CHRNB4: variants seen among roughly 807,000 people sequenced by gnomAD.
CHRNB4 encodes the protein cholinergic receptor nicotinic beta 4 subunit.
CHRNB4 carries 23 observed loss-of-function variants against 40.4 expected under a neutral mutation model. That is an observed-to-expected ratio of 0.57 (90% CI 0.41 to 0.81). The LOEUF is 0.81. Among genes scored for constraint, CHRNB4 ranks in the 30% least tolerant of loss-of-function variants. The probability of loss-of-function intolerance (pLI) is 0.00; values close to 1 mark genes in which losing one functional copy is unlikely to be tolerated. For synonymous variants in CHRNB4, 285 were observed against 274.4 expected, an observed-to-expected ratio of 1.04 and a Z score of -0.38; for missense variants, 568 against 670.6, an observed-to-expected ratio of 0.85 and a Z score of 1.69.
intron 1 of CHRNB4, among the ~76,000 whole-genome samples, chr15:78,636,208 T>C (rs1596112084): frequency 6.6e-6 from 1 of 152,124 alleles, no homozygotes; most frequent in South Asian, 2.1e-4. Context: ...TTCCCGGTCC[T>C]AGTCCTATCT....
Position 78,629,139 on chromosome 15 carries a change from A to G in CHRNB4, c.1166T>C (p.Phe389Ser). ...GGAAGCTGCAGAGGCGGGGTTCACA[A>G]AGTACATGGAGTTCCCATAGAAGTT... ...PSNFYGNSMYFVNPASAASKS... is the reference protein window; with the variant it reads ...PSNFYGNSMYSVNPASAASKS... Residue 389 changes from phenylalanine (F) to serine (S), a missense_variant, in exon 5 of 6, where the codon TTT becomes TCT. Phe to Ser is a radical substitution (Grantham distance 155). This residue lies in a region of CHRNB4 where 242 missense variants were observed against 274.9 expected (regional missense o/e 0.88). Transcript: ENST00000261751. This position sits in a 1 kb window ranked among gnomAD's most constrained non-coding sequence, Gnocchi z 6.8. 1 of 1,614,070 alleles carries G rather than the reference A, an allele frequency of 6.2e-7. No homozygotes were observed. Among genetic ancestry groups the G allele is most frequent in the Non-Finnish European group, 8.5e-7 (1 of 1,179,978 alleles).
At chr15:78,640,668 CAAGA>C (rs915775958) in intron 1 of CHRNB4, among the ~76,000 whole-genome samples, 3 of 152,230 alleles carry the variant, frequency 2.0e-5, no homozygotes, top group African/African-American at 7.2e-5. Flanking sequence ...ACCCACGCTT[CAAGA>C]AAGTCACCTC....
intron 4 of CHRNB4, among the ~76,000 whole-genome samples, chr15:78,630,453 A>C (rs568900532): frequency 1.2e-4 from 19 of 152,162 alleles, no homozygotes; most frequent in Non-Finnish European, 2.4e-4. Flanking sequence ...AGCACTCTTA[A>C]GGCTTCCCAT....
exon 4 of CHRNB4, chr15:78,656,288 G>GACTGCACC (rs1485362433): frequency 1.4e-5 from 2 of 142,978 alleles, no homozygotes; most frequent in African/African-American, 5.2e-5. Flanking sequence ...AGTGAGCTGA[G>GACTGCACC]ACTGCACCAC....
chr15:78,626,349 T>TGG (rs1337813560), intron 5 of CHRNB4: 2 of 62,026 alleles, frequency 3.2e-5, no homozygotes, highest in Non-Finnish European at 9.1e-5. Flanking sequence ...GGGGTGTGTG[T>TGG]GTGTGTGTGT....
intron 1 of CHRNB4, among the ~76,000 whole-genome samples, chr15:78,639,566 G>A (rs1291896332): frequency 2.0e-5 from 3 of 152,264 alleles, no homozygotes; most frequent in Non-Finnish European, 4.4e-5. Flanking sequence ...CCAAAGTGCT[G>A]GGATTACAAG....
intron 3 of CHRNB4, among the ~76,000 whole-genome samples, chr15:78,656,845 C>T (rs552732120): frequency 2.0e-5 from 3 of 152,236 alleles, no homozygotes; most frequent in Admixed American, 6.5e-5. Context: ...GGGAAAAGAT[C>T]GAAGGCCCTG....
chr15:78,636,648 G>T (rs575619912), intron 1 of CHRNB4, among the ~76,000 whole-genome samples: 34 of 147,294 alleles, frequency 2.3e-4, no homozygotes, highest in African/African-American at 8.6e-4. Flanking sequence ...TTGCTATGTT[G>T]CCCAGGCTGG....
chr15:78,648,700 C>T (rs963913007), intron 7 of CHRNB4, among the ~76,000 whole-genome samples: 2 of 148,016 alleles, frequency 1.4e-5, no homozygotes, highest in Non-Finnish European at 3.0e-5. Flanking sequence ...TTGCAGTGAG[C>T]CAAGATCGGC....
intron 3 of CHRNB4, among the ~76,000 whole-genome samples, chr15:78,656,946 G>A (rs1169465040): frequency 2.0e-5 from 3 of 152,120 alleles, no homozygotes; most frequent in African/African-American, 7.2e-5. Context: ...TCTGCCCTAA[G>A]TTCCAGGCAT....
upstream of CHRNB4, among the ~76,000 whole-genome samples, chr15:78,646,053 G>A (rs571981009): frequency 1.3e-3 from 166 of 123,524 alleles, no homozygotes; most frequent in African/African-American, 5.1e-3. Flanking sequence ...GAGTGAGACC[G>A]TCTCAAAAAA....
chr15:78,632,704 G>A (rs1368243017), intron 2 of CHRNB4, among the ~76,000 whole-genome samples: 2 of 151,918 alleles, frequency 1.3e-5, no homozygotes, highest in Non-Finnish European at 2.9e-5. Context: ...TAATGGCTAT[G>A]AGAAAATAAG....
At chr15:78,641,240 T>A, upstream of CHRNB4, 1 of 1,072,384 alleles carries the variant, frequency 9.3e-7, no homozygotes, top group Non-Finnish European at 1.3e-6. Context: ...CGAGGTTTGC[T>A]GGCGGGGCGG....
At chr15:78,634,560 G>A in intron 2 of CHRNB4, 1 of 360,362 alleles carries the variant, frequency 2.8e-6, no homozygotes, top group Non-Finnish European at 5.6e-6. Context: ...AGGTTTGACA[G>A]GCTGGGTGTG....
rs544413106 is a variant in CHRNB4 at position 78,652,924 on chromosome 15, T to C, written c.-109-253A>G. 3.3e-5 allele frequency among the ~76,000 whole-genome samples: 5 copies of C among 152,232 alleles called. No homozygotes were observed. In the South Asian group the frequency reaches 8.3e-4, roughly 25 times the overall value. On this transcript the variant is annotated intron_variant and NMD_transcript_variant, in intron 5 of 11. Coordinates refer to the CHRNB4 transcript ENST00000559849. ...GAAATTATAAAAACTTATGGTTGGATTGACTTGGCCTCAAATCTGTTTGGC... is the reference window on the plus strand; with the variant it reads ...GAAATTATAAAAACTTATGGTTGGACTGACTTGGCCTCAAATCTGTTTGGC...
Position 78,624,765 on chromosome 15 carries a change from G to A in CHRNB4, c.*368C>T, listed in dbSNP as rs752878719. The A allele has an allele frequency of 1.2e-5, 6 of 497,710 alleles. No individual in the cohort carries two copies. Among genetic ancestry groups the A allele is most frequent in the African/African-American group, 1.9e-5 (1 of 52,322 alleles). 30.8% of individuals were successfully genotyped at this position (497,710 alleles called of 1,614,324 possible). ...CTGGGAAGAATCTAGAAGTGTGTGA[G>A]GAACTGGACAAGGGGAAGTGGAGAG... On this transcript the variant is annotated 3_prime_UTR_variant, in exon 6 of 6. Coordinates refer to ENST00000261751, the MANE Select transcript of CHRNB4 (RefSeq NM_000750.5).
chr15:78,635,373 G>A (rs1301072226), intron 2 of CHRNB4, 66 bp downstream of exon 2: 21 of 1,574,662 alleles, frequency 1.3e-5, no homozygotes, highest in Admixed American at 3.6e-5. Context: ...ACCAATGATC[G>A]CCTGGGGCTT....
intron 2 of CHRNB4, 125 bp downstream of exon 2, chr15:78,635,314 T>G: frequency 8.4e-7 from 1 of 1,189,950 alleles, no homozygotes; most frequent in East Asian, 2.5e-5. Context: ...GCAGCCTCCC[T>G]GACACGTACT....
intron 7 of CHRNB4, among the ~76,000 whole-genome samples, chr15:78,647,740 G>T (rs1596122409): frequency 6.9e-6 from 1 of 143,916 alleles, no homozygotes. Context: ...GGCACCTGTA[G>T]TCCCAGCTAC....
Sources: gnomAD v4.1 joint callset for allele counts (sites outside exome capture counted in the v4.1 genomes callset) on GRCh38, gnomAD v4.1.1 for gene constraint, gnomAD v4.1.1 regional missense constraint, Gnocchi (gnomAD v3.1) non-coding constraint, MANE v1.5 for transcripts, NCBI Gene and HGNC (gene_info 2026-07-23, HGNC 2026-07-21) for gene names.